The following RBFOX1 variants were observed in gnomAD, a reference collection of about 807,000 sequenced individuals.
The protein encoded by RBFOX1 is RNA binding protein fox-1 homolog 1.
RBFOX1 carries 8 observed loss-of-function variants against 57.7 expected under a neutral mutation model. The observed-to-expected ratio is 0.14, with a 90% confidence interval of 0.08 to 0.25. The LOEUF (loss-of-function observed/expected upper bound fraction) is 0.25, where lower values mean the gene tolerates loss of function less well. Ranked by LOEUF, RBFOX1 falls within the 10% of genes least tolerant of loss-of-function variation. The pLI is 1.00. For synonymous variants in RBFOX1, 326 were observed against 222.4 expected (o/e 1.47, Z -4.15); for missense variants, 611 against 548.5 (o/e 1.11, Z -1.14).
At chr16:5,665,138 G>T (rs1008313326) in intron 3 of RBFOX1, among the ~76,000 whole-genome samples, 5 of 147,368 alleles carry the variant, frequency 3.4e-5, no homozygotes, top group African/African-American at 5.0e-5. Flanking sequence ...ACATGGGGGG[G>T]GGCGGTCTTG....
chr16:7,150,266 A>G (rs1222092503), intron 4 of RBFOX1, among the ~76,000 whole-genome samples: 1 of 152,142 alleles, frequency 6.6e-6, no homozygotes, highest in Non-Finnish European at 1.5e-5. Context: ...GCCTCCACCT[A>G]TCTGTACAAC....
At chr16:6,782,118 T>C (rs1375325357) in intron 3 of RBFOX1, among the ~76,000 whole-genome samples, 1 of 152,130 alleles carries the variant, frequency 6.6e-6, no homozygotes, top group African/African-American at 2.4e-5. Context: ...GTGATTCTCC[T>C]GCCTCAGCCT....
intron 3 of RBFOX1, among the ~76,000 whole-genome samples, chr16:6,828,009 C>T (rs145390383): frequency 2.0e-5 from 3 of 152,108 alleles, no homozygotes; most frequent in Non-Finnish European, 4.4e-5. Context: ...ATCAATTTTT[C>T]CCCAGCACAG....
chr16:6,021,261 A>C (rs931593223), intron 1 of RBFOX1, among the ~76,000 whole-genome samples: 2 of 152,116 alleles, frequency 1.3e-5, no homozygotes, highest in Non-Finnish European at 2.9e-5. Context: ...TGACAGCCCA[A>C]GTTTAGGACA....
chr16:5,601,239 GC>G (rs2047354198), downstream of RBFOX1: 1 of 152,406 alleles, frequency 6.6e-6, no homozygotes, highest in Non-Finnish European at 1.5e-5. Context: ...GTGAGCTGGG[GC>G]TGCTGTCTTC....
intron 4 of RBFOX1, among the ~76,000 whole-genome samples, chr16:5,941,699 C>T (rs1234824664): frequency 1.3e-5 from 2 of 151,180 alleles, no homozygotes; most frequent in African/African-American, 4.8e-5. Flanking sequence ...AATGAACTAG[C>T]CAGGAATTAT....
chr16:7,580,352 C>G (rs1395143684), intron 6 of RBFOX1, among the ~76,000 whole-genome samples: 2 of 152,280 alleles, frequency 1.3e-5, no homozygotes, highest in South Asian at 4.1e-4. Flanking sequence ...ATTGCCTAGT[C>G]TTTCCCAGGC....
At chr16:5,777,255 C>A (rs1005695628) in intron 3 of RBFOX1, among the ~76,000 whole-genome samples, 1 of 152,146 alleles carries the variant, frequency 6.6e-6, no homozygotes, top group African/African-American at 2.4e-5. Flanking sequence ...GGATCATGGC[C>A]CCTTCCTCTA....
intron 3 of RBFOX1, among the ~76,000 whole-genome samples, chr16:6,976,049 C>T (rs536741423): frequency 6.6e-6 from 1 of 152,230 alleles, no homozygotes; most frequent in South Asian, 2.1e-4. Context: ...ATTGCTTGAA[C>T]CCAGTAGGTG....
chr16:7,436,939 G>T (rs1379354212), intron 4 of RBFOX1, among the ~76,000 whole-genome samples: 1 of 152,106 alleles, frequency 6.6e-6, no homozygotes, highest in African/African-American at 2.4e-5. Context: ...AAAATAGCTG[G>T]TCATGGTGAT....
intron 1 of RBFOX1, among the ~76,000 whole-genome samples, chr16:6,116,943 G>C (rs1036879005): frequency 4.6e-5 from 7 of 152,134 alleles, no homozygotes; most frequent in African/African-American, 1.7e-4. Context: ...CTACAGTAAA[G>C]GTATTGGGAT....
At chr16:5,787,510 C>G (rs559359001) in intron 3 of RBFOX1, among the ~76,000 whole-genome samples, 1 of 152,274 alleles carries the variant, frequency 6.6e-6, no homozygotes, top group South Asian at 2.1e-4. Flanking sequence ...CTGTATAAAC[C>G]TGACCCCATA....
At chr16:5,461,668 G>A (rs895408260) in intron 1 of RBFOX1, among the ~76,000 whole-genome samples, 1 of 152,132 alleles carries the variant, frequency 6.6e-6, no homozygotes, top group South Asian at 2.1e-4. Context: ...AAATAGACCT[G>A]GTGGCCACGG....
chr16:6,672,321 TGTG>T (rs779879370), intron 3 of RBFOX1, among the ~76,000 whole-genome samples: 50 of 150,786 alleles, frequency 3.3e-4, no homozygotes, highest in Non-Finnish European at 1.5e-4. Context: ...ATACAAATAT[TGTG>T]GTGGGGAAGG....
At chr16:7,241,021 G>A (rs1421528852) in intron 4 of RBFOX1, among the ~76,000 whole-genome samples, 1 of 152,080 alleles carries the variant, frequency 6.6e-6, no homozygotes, top group Non-Finnish European at 1.5e-5. Context: ...ATCTGTTCTG[G>A]CTATCGTGAA....
chr16:7,243,256 C>T (rs1213340997), intron 4 of RBFOX1, among the ~76,000 whole-genome samples: 2 of 152,114 alleles, frequency 1.3e-5, no homozygotes, highest in Admixed American at 1.3e-4. Flanking sequence ...CACATTTATT[C>T]TCCAAACCAG....
At chr16:5,971,908 C>G (rs551043390) in intron 4 of RBFOX1, among the ~76,000 whole-genome samples, 21 of 152,162 alleles carry the variant, frequency 1.4e-4, no homozygotes, top group Non-Finnish European at 2.8e-4. Context: ...GTGGGTGGGC[C>G]TCATCCAGTC....
chr16:7,656,135 C>G (rs2066242730), intron 12 of RBFOX1, among the ~76,000 whole-genome samples: 1 of 152,136 alleles, frequency 6.6e-6, no homozygotes, highest in African/African-American at 2.4e-5. Flanking sequence ...TACTTGGAAG[C>G]AAGATCAAAT....
chr16:6,561,575 G>A (rs2097179683), intron 2 of RBFOX1, among the ~76,000 whole-genome samples: 1 of 152,176 alleles, frequency 6.6e-6, no homozygotes, highest in South Asian at 2.1e-4. Context: ...AGGGCGAGGG[G>A]TTGTCATGTA....
Sources: gnomAD v4.1 joint callset for allele counts (sites outside exome capture counted in the v4.1 genomes callset) on GRCh38, gnomAD v4.1.1 for gene constraint, MANE v1.5 for transcripts, NCBI Gene and HGNC (gene_info 2026-07-23, HGNC 2026-07-21) for gene names.